Variants in WNT5A observed in about 807,000 individuals in gnomAD.
WNT5A encodes the protein protein Wnt-5a.
Under a neutral mutation model 42.1 loss-of-function variants are expected in WNT5A, and 9 were observed. The observed-to-expected ratio is 0.21, with a 90% CI of 0.13 to 0.37. The LOEUF is 0.37. WNT5A is among the 10% of genes least tolerant of loss of function. The pLI, the probability that WNT5A is intolerant of heterozygous loss-of-function variation, is 1.00. For synonymous variants in WNT5A, 210 were observed against 210.0 expected (o/e 1.00, Z 0.00); for missense variants, 426 against 534.0 (o/e 0.80, Z 1.99).
the WNT5A span, among the ~76,000 whole-genome samples, chr3:55,498,135 G>A: frequency 1.3e-5 from 2 of 152,122 alleles, no homozygotes; most frequent in Admixed American, 6.5e-5. Flanking sequence ...ACTCATAATG[G>A]CACATTCTTC....
At chr3:55,496,020 T>C in the WNT5A span, among the ~76,000 whole-genome samples, 1 of 152,216 alleles carries the variant, frequency 6.6e-6, no homozygotes, top group Admixed American at 6.5e-5. Flanking sequence ...AGTTAGAACA[T>C]AGAAATTTTA....
In WNT5A at chr3:55,487,026, G is replaced by T; in HGVS notation, c.-41C>A. The T allele has an allele frequency of 6.2e-7, 1 of 1,606,004 alleles. No individual in the cohort carries two copies. The highest frequency in any genetic ancestry group is 8.5e-7 in the Non-Finnish European group (1 of 1,176,022). On this transcript the variant is annotated 5_prime_UTR_variant, in exon 1 of 5. Transcript: ENST00000264634. ...GCGCGGGGAGGAAGTCGCCACCCGA[G>T]CGAGCGCAGCCGAGGAATCCGAGCG...
At chr3:55,474,315 G>T in intron 4 of WNT5A, 22 bp downstream of exon 4, 1 of 1,612,220 alleles carries the variant, frequency 6.2e-7, no homozygotes, top group South Asian at 1.1e-5. Flanking sequence ...GATGCGGGGC[G>T]GGGGCGAGAC....
At chr3:55,482,091 G>A (rs1575405027) in intron 1 of WNT5A, among the ~76,000 whole-genome samples, 1 of 152,244 alleles carries the variant, frequency 6.6e-6, no homozygotes, top group Non-Finnish European at 1.5e-5. Flanking sequence ...TTCGGTCAGT[G>A]CCGAAAGGTG....
chr3:55,471,719 C>A (rs1000718552), intron 4 of WNT5A, among the ~76,000 whole-genome samples: 6 of 152,246 alleles, frequency 3.9e-5, no homozygotes, highest in Non-Finnish European at 8.8e-5. Context: ...CTGTGCCCAG[C>A]AGTCTGGGAG....
chr3:55,500,993 C>T, the WNT5A span, among the ~76,000 whole-genome samples: 1 of 152,176 alleles, frequency 6.6e-6, no homozygotes, highest in Non-Finnish European at 1.5e-5. Flanking sequence ...ACAAACATGA[C>T]CCCATTAATC....
chr3:55,470,740 T>C (rs896541949), intron 4 of WNT5A, among the ~76,000 whole-genome samples, 190 bp from the exon 5 acceptor site: 1 of 152,182 alleles, frequency 6.6e-6, no homozygotes, highest in African/African-American at 2.4e-5. Flanking sequence ...ATAAATATGT[T>C]CTTAACCACT....
In WNT5A at chr3:55,468,979, T is replaced by C. The variant is rs1350701357; in HGVS notation, c.*1113A>G. On this transcript the variant is annotated 3_prime_UTR_variant, in exon 5 of 5. Transcript: ENST00000264634. Reference sequence around the variant, plus strand: ...GCTCCTAATGTTTCATTTCCTGTCCTACAACCAAAGGGGACCCAGTGGAGC... The same window carrying C: ...GCTCCTAATGTTTCATTTCCTGTCCCACAACCAAAGGGGACCCAGTGGAGC... 6.6e-6 allele frequency: 1 copy of C among 152,152 alleles called. No homozygotes were observed. Among genetic ancestry groups the C allele is most frequent in the Non-Finnish European group, 1.5e-5 (1 of 68,020 alleles). 9.4% of individuals were successfully genotyped at this position (152,152 alleles called of 1,614,324 possible). A position where few individuals can be genotyped will look rare whatever the true frequency, so the allele number is the denominator to read the frequency against.
chr3:55,473,612 T>C (rs2106910069), intron 4 of WNT5A, among the ~76,000 whole-genome samples: 1 of 152,346 alleles, frequency 6.6e-6, no homozygotes, highest in Non-Finnish European at 1.5e-5. Flanking sequence ...AGAGCTACTT[T>C]GTGATTGGCC....
chr3:55,471,703 A>G (rs1042192537), intron 4 of WNT5A, among the ~76,000 whole-genome samples: 3 of 152,246 alleles, frequency 2.0e-5, no homozygotes, highest in Non-Finnish European at 4.4e-5. Flanking sequence ...GTCTGGCCCT[A>G]TAACACTGTG....
chr3:55,492,276 GAAC>G (rs1488390786), upstream of WNT5A, among the ~76,000 whole-genome samples: 1 of 152,088 alleles, frequency 6.6e-6, no homozygotes, highest in South Asian at 2.1e-4. Flanking sequence ...TCATTTTAGG[GAAC>G]CTGTGGGTCA....
In WNT5A at chr3:55,474,413, T is replaced by C. The variant is rs2106915381; in HGVS notation, c.608A>G (p.Glu203Gly). ...AKEFVDARERERIHAKGSYES... is the reference protein window; with the variant it reads ...AKEFVDARERGRIHAKGSYES... ...GTAGGAGCCCTTGGCGTGGATGCGC[T>C]CCCGCTCGCGGGCGTCCACGAACTC... is the stretch of plus-strand genomic sequence containing the variant. Residue 203 changes from glutamate (E) to glycine (G), a missense_variant, in exon 4 of 5, where the codon GAG becomes GGG. Coordinates refer to ENST00000264634, the MANE Select transcript of WNT5A (RefSeq NM_003392.7). 1 of 1,611,986 alleles carries C rather than the reference T, an allele frequency of 6.2e-7. No homozygotes were observed. The highest frequency in any genetic ancestry group is 8.5e-7 in the Non-Finnish European group (1 of 1,179,644).
At position 55,479,360 on chromosome 3, in the gene WNT5A, G is replaced by A; in HGVS notation, c.345C>T (p.Cys115=). ...QYQFRHRRWN[C]STVDNTSVFG... ...AAACAGAGGTGTTATCCACAGTGCT[G>A]CAGTTCCACCTTCGATGTCGGAATT... Residue 115 remains cysteine (C), a synonymous_variant, in exon 3 of 5, where the codon TGC becomes TGT. Transcript: ENST00000264634. 1.2e-6 allele frequency: 2 copies of A among 1,613,220 alleles called. No homozygotes were observed. Among genetic ancestry groups the A allele is most frequent in the Non-Finnish European group, 1.7e-6 (2 of 1,179,358 alleles).
chr3:55,470,637 C>A, intron 4 of WNT5A, 87 bp from the exon 5 acceptor site: 2 of 1,249,290 alleles, frequency 1.6e-6, no homozygotes, highest in Non-Finnish European at 1.1e-6. Flanking sequence ...CGACCTTCTC[C>A]ATGGAGCTAT....
At chr3:55,481,439 C>A (rs568303398) in intron 1 of WNT5A, 5 of 675,576 alleles carry the variant, frequency 7.4e-6, no homozygotes, top group African/African-American at 2.0e-5. Context: ...GGGTGGCCAG[C>A]GCGGGGGGTG....
intron 1 of WNT5A, among the ~76,000 whole-genome samples, chr3:55,484,549 G>A (rs185687346): frequency 1.3e-5 from 2 of 152,232 alleles, no homozygotes; most frequent in Admixed American, 6.5e-5. Context: ...AAAGAGAGCC[G>A]CCCAGGCCTC....
chr3:55,475,714 G>A (rs2051345291), intron 3 of WNT5A, among the ~76,000 whole-genome samples: 1 of 152,138 alleles, frequency 6.6e-6, no homozygotes, highest in South Asian at 2.1e-4. Context: ...AAGAGGGAGG[G>A]AGAAGTTTTC....
chr3:55,497,982 C>T, the WNT5A span, among the ~76,000 whole-genome samples: 1 of 152,140 alleles, frequency 6.6e-6, no homozygotes, highest in Non-Finnish European at 1.5e-5. Flanking sequence ...AAATGAAATC[C>T]TGGCAGGATT....
upstream of WNT5A, among the ~76,000 whole-genome samples, chr3:55,492,230 GGC>G (rs1214471761): frequency 3.4e-3 from 438 of 130,206 alleles, 1 homozygote; most frequent in Middle Eastern, 0.015. Flanking sequence ...GGTGCTTTGT[GGC>G]GGGGGGGCAC....
Sources: allele counts gnomAD v4.1 joint callset (sites outside exome capture counted in the v4.1 genomes callset), GRCh38; gene constraint gnomAD v4.1.1; transcripts MANE v1.5; gene names NCBI Gene and HGNC (gene_info 2026-07-23, HGNC 2026-07-21).